Variants in TPD52L1 observed in about 807,000 individuals in gnomAD.
The protein encoded by TPD52L1 is tumor protein D53.
A neutral mutation model predicts 28.7 loss-of-function variants in TPD52L1; 18 were observed. The observed-to-expected ratio is 0.63, with a 90% CI of 0.43 to 0.93. The LOEUF is 0.93. Ranked by LOEUF, TPD52L1 falls within the 40% of genes least tolerant of loss-of-function variation. TPD52L1 has a pLI of 0.00. For synonymous variants in TPD52L1, 75 were observed against 88.8 expected (o/e 0.84, Z 0.88); for missense variants, 203 against 254.8 (o/e 0.80, Z 1.39).
chr6:125,174,230 G>A (rs1313754984), intron 1 of TPD52L1, among the ~76,000 whole-genome samples: 1 of 152,092 alleles, frequency 6.6e-6, no homozygotes, highest in African/African-American at 2.4e-5. Flanking sequence ...CCTGTGCTGG[G>A]CCCTAAAGTA....
At chr6:125,202,616 A>G (rs541771995) in intron 1 of TPD52L1, among the ~76,000 whole-genome samples, 1 of 152,298 alleles carries the variant, frequency 6.6e-6, no homozygotes, top group East Asian at 1.9e-4. Context: ...TTCTCATTTT[A>G]ATTGAAATGA....
intron 6 of TPD52L1, among the ~76,000 whole-genome samples, chr6:125,257,417 A>G (rs895023944): frequency 2.0e-5 from 3 of 152,214 alleles, no homozygotes; most frequent in African/African-American, 7.2e-5. Context: ...TTAATCTCTT[A>G]ATGCTATCCC....
At chr6:125,186,894 C>T (rs770816757) in intron 1 of TPD52L1, among the ~76,000 whole-genome samples, 9 of 151,844 alleles carry the variant, frequency 5.9e-5, no homozygotes, top group Non-Finnish European at 1.2e-4. Context: ...TCAAGTACAA[C>T]GTAGTAATTG....
chr6:125,157,995 A>G (rs778638086), intron 1 of TPD52L1, among the ~76,000 whole-genome samples: 2 of 152,042 alleles, frequency 1.3e-5, no homozygotes, highest in Non-Finnish European at 2.9e-5. Context: ...GTGGCTGCCG[A>G]CATTCTTGGG....
chr6:125,186,744 G>C (rs577176805), intron 1 of TPD52L1, among the ~76,000 whole-genome samples: 99 of 152,204 alleles, frequency 6.5e-4, no homozygotes, highest in African/African-American at 2.3e-3. Context: ...ACATAGTTAG[G>C]GGCAGAAAAC....
At chr6:125,172,099 C>CCTTT (rs549747240) in intron 1 of TPD52L1, among the ~76,000 whole-genome samples, 779 of 76,058 alleles carry the variant, frequency 0.01, 22 homozygotes, top group Admixed American at 0.019. Context: ...TCTTTCTTTC[C>CCTTT]CTTTCTTTCT....
At chr6:125,208,660 A>G (rs1238449759) in intron 1 of TPD52L1, among the ~76,000 whole-genome samples, 1 of 152,064 alleles carries the variant, frequency 6.6e-6, no homozygotes, top group Non-Finnish European at 1.5e-5. Flanking sequence ...CTGCCCTTAC[A>G]CCCTCATGCT....
rs964323151 is a variant in TPD52L1 at position 125,186,194 on chromosome 6, A to T, written c.19+32224A>T. Among the ~76,000 whole-genome samples, 22 of 152,238 alleles carry T rather than the reference A, an allele frequency of 1.4e-4. No homozygotes were observed. In the East Asian group the frequency reaches 3.5e-3, roughly 24 times the overall value. ...CCACCGTGGCTGGCCTGGAAACTAGATTTTTAAACCTAGAGCAGGGATCTG... is the reference window on the plus strand; with the variant it reads ...CCACCGTGGCTGGCCTGGAAACTAGTTTTTTAAACCTAGAGCAGGGATCTG... On this transcript the variant is annotated intron_variant, in intron 1 of 6. Transcript: ENST00000534000.
chr6:125,254,865 A>G (rs1389340275), intron 5 of TPD52L1, among the ~76,000 whole-genome samples: 1 of 152,200 alleles, frequency 6.6e-6, no homozygotes, highest in African/African-American at 2.4e-5. Context: ...TTCTAGTATA[A>G]TTTAATTAGA....
At chr6:125,155,888 T>C (rs1189254602) in intron 1 of TPD52L1, among the ~76,000 whole-genome samples, 2 of 152,074 alleles carry the variant, frequency 1.3e-5, no homozygotes, top group Admixed American at 1.3e-4. Flanking sequence ...GCATGGAAGG[T>C]ATTAGGTTGG....
At chr6:125,179,216 G>A (rs3799773) in intron 1 of TPD52L1, among the ~76,000 whole-genome samples, 18,599 of 152,248 alleles carry the variant, frequency 0.12, 1,293 homozygotes, top group East Asian at 0.36. Context: ...CCAAGAGGAT[G>A]GAGAACTTCA....
chr6:125,244,389 A>C (rs930141984), intron 3 of TPD52L1, among the ~76,000 whole-genome samples: 1 of 152,156 alleles, frequency 6.6e-6, no homozygotes. Context: ...AGTTGGCTGG[A>C]GGACCTCTCA....
chr6:125,220,277 G>A, intron 2 of TPD52L1, 84 bp downstream of exon 2: 5 of 850,720 alleles, frequency 5.9e-6, no homozygotes, highest in Non-Finnish European at 7.5e-6. Flanking sequence ...TTGTAATGAT[G>A]TTGTATTGTA....
chr6:125,250,765 T>C (rs950002930), intron 4 of TPD52L1, among the ~76,000 whole-genome samples: 3 of 152,220 alleles, frequency 2.0e-5, no homozygotes, highest in Non-Finnish European at 4.4e-5. Context: ...TGGCTTTGTC[T>C]AGTATAGTGG....
intron 1 of TPD52L1, among the ~76,000 whole-genome samples, chr6:125,158,873 T>C (rs1188882781): frequency 6.6e-6 from 1 of 152,186 alleles, no homozygotes; most frequent in Non-Finnish European, 1.5e-5. Context: ...AAAAGTTATG[T>C]TTATACTATA....
At chr6:125,252,051 G>A (rs1797304759) in intron 4 of TPD52L1, 31 of 1,535,960 alleles carry the variant, frequency 2.0e-5, no homozygotes, top group African/African-American at 5.5e-5. Flanking sequence ...GCGCCACAGG[G>A]CTGCGTGTGG....
At chr6:125,248,020 T>C (rs1244845459) in intron 3 of TPD52L1, among the ~76,000 whole-genome samples, 1 of 152,250 alleles carries the variant, frequency 6.6e-6, no homozygotes, top group African/African-American at 2.4e-5. Flanking sequence ...TTATTTGTCA[T>C]GAAAGAGCTG....
intron 1 of TPD52L1, among the ~76,000 whole-genome samples, chr6:125,160,245 T>C (rs1269784507): frequency 2.0e-5 from 3 of 152,238 alleles, no homozygotes; most frequent in Non-Finnish European, 2.9e-5. Flanking sequence ...TAGTTCTTAA[T>C]AGTGGACTTA....
chr6:125,194,611 A>T (rs1014990095), intron 1 of TPD52L1, among the ~76,000 whole-genome samples: 1 of 152,170 alleles, frequency 6.6e-6, no homozygotes, highest in Admixed American at 6.5e-5. Flanking sequence ...TTTGCCAATG[A>T]TCTTCCATAT....
Sources: gnomAD v4.1 joint callset for allele counts (sites outside exome capture counted in the v4.1 genomes callset) on GRCh38, gnomAD v4.1.1 for gene constraint, MANE v1.5 for transcripts, NCBI Gene and HGNC (gene_info 2026-07-23, HGNC 2026-07-21) for gene names.